The following MYO3B variants were observed in gnomAD, a reference collection of about 807,000 sequenced individuals.
MYO3B encodes the protein myosin-IIIb.
MYO3B carries 156 observed loss-of-function variants against 174.6 expected under a neutral mutation model. That is an observed-to-expected ratio of 0.89 (90% confidence interval 0.78 to 1.02). The LOEUF (loss-of-function observed/expected upper bound fraction) is 1.02, where lower values mean the gene tolerates loss of function less well. MYO3B is among the 50% of genes least tolerant of loss of function. The pLI, the probability that MYO3B is intolerant of heterozygous loss-of-function variation, is 0.00. For synonymous variants in MYO3B, 563 were observed against 569.1 expected, an observed-to-expected ratio of 0.99 and a Z score of 0.15; for missense variants, 1,632 against 1,639.4, an observed-to-expected ratio of 1.00 and a Z score of 0.08.
intron 15 of MYO3B, 94 bp downstream of exon 15, chr2:170,391,712 A>G (rs1558954017): frequency 1.4e-6 from 1 of 732,588 alleles, no homozygotes; most frequent in Non-Finnish European, 2.3e-6. Flanking sequence ...TCCTAACTGG[A>G]AACTCACAGT....
intron 9 of MYO3B, among the ~76,000 whole-genome samples, chr2:170,372,118 C>CAAAAAAAAAAAAAAAAAAA (rs769243145): frequency 4.5e-5 from 1 of 22,208 alleles, no homozygotes; most frequent in Non-Finnish European, 9.3e-5. Flanking sequence ...GACCCTGTCT[C>CAAAAAAAAAAAAAAAAAAA]AAAAAAAAAA....
intron 32 of MYO3B, among the ~76,000 whole-genome samples, chr2:170,587,889 A>G (rs181142568): frequency 1.0e-3 from 156 of 152,344 alleles, no homozygotes; most frequent in Admixed American, 7.9e-3. Flanking sequence ...TGGAAACTCT[A>G]GATAAGCTGA....
rs531112392 is a variant in MYO3B, at chr2:170,274,307, C to T, written c.749+38171C>T. Among the ~76,000 whole-genome samples, 4 of 152,268 alleles carry T rather than the reference C, an allele frequency of 2.6e-5. No homozygotes were observed. The South Asian group carries it at 8.3e-4, about 32-fold the overall frequency. ...CCTAGCTTTTTTACTTGAGGCCTGT[C>T]TGAATGTAATTTTGGGTTCTCAGAT... On this transcript the variant is annotated intron_variant, in intron 7 of 34. Coordinates refer to ENST00000408978, the MANE Select transcript of MYO3B (RefSeq NM_138995.5).
intron 7 of MYO3B, among the ~76,000 whole-genome samples, chr2:170,266,044 A>G (rs550744012): frequency 1.3e-5 from 2 of 152,246 alleles, no homozygotes; most frequent in East Asian, 1.9e-4. Flanking sequence ...AGTCAGTTAC[A>G]CTATTTACAG....
At position 170,214,417 on chromosome 2, in the gene MYO3B, T is replaced by C; in HGVS notation, c.360T>C (p.Gly120=). Reference sequence around the variant, plus strand: ...GCTCAGTCACTGAGCTTGTCAAAGGTCTACTCAGATGTGGCCAGCGGTTGG... The same window carrying C: ...GCTCAGTCACTGAGCTTGTCAAAGGCCTACTCAGATGTGGCCAGCGGTTGG... ...NGGSVTELVK[G]LLRCGQRLDE... is the part of the protein sequence containing the mutation. The change falls in exon 4 of 35, where the codon GGT becomes GGC. Residue 120 remains glycine, a synonymous_variant. Coordinates refer to ENST00000408978, the MANE Select transcript of MYO3B (RefSeq NM_138995.5). 6.2e-7 allele frequency: 1 copy of C among 1,614,126 alleles called. No homozygotes were observed. Among genetic ancestry groups the C allele is most frequent in the Non-Finnish European group, 8.5e-7 (1 of 1,180,004 alleles).
At chr2:170,474,301 T>A (rs1413632205) in intron 25 of MYO3B, among the ~76,000 whole-genome samples, 2 of 152,142 alleles carry the variant, frequency 1.3e-5, no homozygotes, top group Non-Finnish European at 2.9e-5. Context: ...CTGGATCACA[T>A]GCCCACCCTT....
intron 3 of MYO3B, among the ~76,000 whole-genome samples, chr2:170,210,812 C>T (rs1445225024): frequency 6.6e-6 from 1 of 152,162 alleles, no homozygotes; most frequent in African/African-American, 2.4e-5. Flanking sequence ...TTAATCTTCC[C>T]TTTAAAAAAA....
In MYO3B at chr2:170,213,163, G is replaced by T. The variant is rs1243320485; in HGVS notation, c.322-1216G>T. Among the ~76,000 whole-genome samples, 3 of 152,152 alleles carry T rather than the reference G, an allele frequency of 2.0e-5. 1 individual carries two copies. The highest frequency in any genetic ancestry group is 2.9e-5 in the Non-Finnish European group (2 of 68,024). ...CATCTTTGGAAATCCTTAAGTTGAT[G>T]AAAAAGTATTGTAGCAGGACAAGCC... On this transcript the variant is annotated intron_variant, in intron 3 of 34. Transcript: ENST00000408978.
intron 32 of MYO3B, among the ~76,000 whole-genome samples, chr2:170,626,918 C>G (rs1696492263): frequency 1.3e-5 from 2 of 152,202 alleles, no homozygotes; most frequent in Admixed American, 1.3e-4. Flanking sequence ...GAGAGATCCA[C>G]TGTTAGTCTG....
At chr2:170,475,912 C>T (rs1207824186) in intron 25 of MYO3B, among the ~76,000 whole-genome samples, 4 of 152,236 alleles carry the variant, frequency 2.6e-5, no homozygotes, top group Admixed American at 6.5e-5. Flanking sequence ...GTTTCTTCTG[C>T]AAGAGCATCT....
In MYO3B at chr2:170,401,792, CTTTCTTTTTCT is replaced by C. The variant is rs1474906007; in HGVS notation, c.2129+105_2129+115del. Reference sequence around the variant, plus strand: ...AGCATTTGGTCCTCTCTGGGATTTTCTTTCTTTTTCTTTTTTTTTTTTTTTGTGGAGTCAGA... The same window carrying C: ...AGCATTTGGTCCTCTCTGGGATTTTCTTTTTTTTTTTTTTGTGGAGTCAGA... On this transcript the variant is annotated intron_variant, in intron 18 of 34. Transcript: ENST00000408978. 3.9e-5 allele frequency: 31 copies of C among 802,992 alleles called. No individual in the cohort carries two copies. The African/African-American group carries it at 5.7e-4, about 15-fold the overall frequency. The allele number at this position is 802,992 out of a possible 1,614,324, so 49.7% of individuals were successfully genotyped here. A position where few individuals can be genotyped will look rare whatever the true frequency, so the allele number is the denominator to read the frequency against.
intron 28 of MYO3B, among the ~76,000 whole-genome samples, chr2:170,514,421 C>A (rs539083127): frequency 7.6e-4 from 115 of 152,226 alleles, no homozygotes; most frequent in African/African-American, 2.7e-3. Context: ...ATCAGGGCTG[C>A]GAGTTCACAG....
At chr2:170,267,439 G>T (rs1410725854) in intron 7 of MYO3B, among the ~76,000 whole-genome samples, 1 of 152,172 alleles carries the variant, frequency 6.6e-6, no homozygotes, top group Non-Finnish European at 1.5e-5. Flanking sequence ...AAGAGAATTG[G>T]TTTGGCAGAC....
chr2:170,392,932 G>A (rs1381883433), intron 16 of MYO3B, among the ~76,000 whole-genome samples: 1 of 151,296 alleles, frequency 6.6e-6, no homozygotes, highest in Non-Finnish European at 1.5e-5. Flanking sequence ...GGAATATGTA[G>A]ATGACACCCA....
intron 23 of MYO3B, among the ~76,000 whole-genome samples, chr2:170,461,660 C>T (rs1425988809): frequency 6.6e-6 from 1 of 151,456 alleles, no homozygotes; most frequent in Non-Finnish European, 1.5e-5. Context: ...CCTGTAATCC[C>T]AGCTACTCGG....
intron 7 of MYO3B, among the ~76,000 whole-genome samples, chr2:170,255,798 C>A (rs889074256): frequency 1.3e-5 from 2 of 152,198 alleles, no homozygotes; most frequent in African/African-American, 4.8e-5. Flanking sequence ...TAGATCCTCA[C>A]CAAATTGAAA....
chr2:170,307,581 G>A lies in MYO3B; in HGVS notation c.750-27804G>A, dbSNP rs80091913. Among the ~76,000 whole-genome samples, 908 of 152,190 alleles carry A rather than the reference G, an allele frequency of 6.0e-3. 10 individuals carry two copies. Among genetic ancestry groups the A allele is most frequent in the African/African-American group, 0.021 (868 of 41,510 alleles). On this transcript the variant is annotated intron_variant, in intron 7 of 34. Coordinates refer to ENST00000408978, the MANE Select transcript of MYO3B (RefSeq NM_138995.5). ...TCCTTCCATATGGCCTTGAAGTGTT[G>A]CAGGACAGGGGGGCCCCAAAATTGA...
At chr2:170,481,070 G>A (rs561913844) in intron 25 of MYO3B, among the ~76,000 whole-genome samples, 5 of 152,286 alleles carry the variant, frequency 3.3e-5, no homozygotes, top group South Asian at 2.1e-4. Flanking sequence ...CAGACATCTC[G>A]AGAAAGGCTG....
intron 32 of MYO3B, among the ~76,000 whole-genome samples, chr2:170,545,008 C>T (rs2106209521): frequency 6.6e-6 from 1 of 152,260 alleles, no homozygotes; most frequent in South Asian, 2.1e-4. Flanking sequence ...TCTATCCAAA[C>T]AGACAGTCTC....
Sources: allele counts gnomAD v4.1 joint callset (sites outside exome capture counted in the v4.1 genomes callset), GRCh38; gene constraint gnomAD v4.1.1; transcripts MANE v1.5; gene names NCBI Gene and HGNC (gene_info 2026-07-23, HGNC 2026-07-21).